PIWIL2: variants seen among roughly 807,000 people sequenced by gnomAD.
PIWIL2 encodes piwi like RNA-mediated gene silencing 2.
A neutral mutation model predicts 116.5 loss-of-function variants in PIWIL2; 81 were observed. The observed-to-expected ratio is 0.70, with a 90% CI of 0.58 to 0.84. The LOEUF is 0.84. PIWIL2 is among the 40% of genes least tolerant of loss of function. The pLI, the probability that PIWIL2 is intolerant of heterozygous loss-of-function variation, is 0.00. For missense variants in PIWIL2, 1,272 were observed against 1,212.3 expected (o/e 1.05, Z -0.73); for synonymous variants, 489 against 429.5 (o/e 1.14, Z -1.71).
At chr8:22,311,380 T>G in intron 16 of PIWIL2, 80 bp downstream of exon 16, 1 of 1,152,524 alleles carries the variant, frequency 8.7e-7, no homozygotes. Flanking sequence ...ATCATGGTTA[T>G]CAGTCTGCTG....
chr8:22,307,748 A>G (rs1215665056), intron 13 of PIWIL2, among the ~76,000 whole-genome samples, 185 bp from the exon 14 acceptor site: 3 of 152,010 alleles, frequency 2.0e-5, no homozygotes, highest in South Asian at 2.1e-4. Flanking sequence ...CATCCTTCCA[A>G]TCAATTTTTA....
intron 1 of PIWIL2, among the ~76,000 whole-genome samples, chr8:22,278,662 T>TG (rs1199370141): frequency 6.6e-6 from 1 of 152,158 alleles, no homozygotes; most frequent in African/African-American, 2.4e-5. Context: ...ACAGGCTGGT[T>TG]GGGGGGCCTG....
At chr8:22,329,372 G>C (rs1209663871) in intron 20 of PIWIL2, among the ~76,000 whole-genome samples, 1 of 152,194 alleles carries the variant, frequency 6.6e-6, no homozygotes, top group African/African-American at 2.4e-5. Flanking sequence ...CATAATGCTG[G>C]CATCCACTCA....
intron 13 of PIWIL2, among the ~76,000 whole-genome samples, chr8:22,307,109 T>A (rs971956641): frequency 6.6e-6 from 1 of 152,240 alleles, no homozygotes; most frequent in Non-Finnish European, 1.5e-5. Flanking sequence ...AGAATGAATA[T>A]GGTTTTCTGT....
At chr8:22,322,328 G>A (rs1831617882) in intron 20 of PIWIL2, among the ~76,000 whole-genome samples, 1 of 151,516 alleles carries the variant, frequency 6.6e-6, no homozygotes, top group Non-Finnish European at 1.5e-5. Context: ...TCGGTTCACT[G>A]CAGCCTCAAC....
intron 19 of PIWIL2, among the ~76,000 whole-genome samples, chr8:22,317,318 G>A (rs1238656549): frequency 6.6e-6 from 1 of 152,042 alleles, no homozygotes; most frequent in Non-Finnish European, 1.5e-5. Flanking sequence ...AGTTGCCAAA[G>A]GTTTGATGTA....
intron 21 of PIWIL2, among the ~76,000 whole-genome samples, chr8:22,353,670 A>T (rs1741241080): frequency 6.6e-6 from 1 of 151,380 alleles, no homozygotes; most frequent in African/African-American, 2.4e-5. Context: ...AAAACAAGAA[A>T]GCTTTTACCT....
chr8:22,336,993 G>A (rs976934967), intron 20 of PIWIL2, among the ~76,000 whole-genome samples: 3 of 152,190 alleles, frequency 2.0e-5, no homozygotes, highest in East Asian at 1.9e-4. Context: ...CAAATTAGAT[G>A]CCCTAAATGG....
intron 7 of PIWIL2, 128 bp downstream of exon 7, chr8:22,287,773 C>T: frequency 4.4e-6 from 3 of 678,858 alleles, no homozygotes; most frequent in Admixed American, 4.1e-5. Flanking sequence ...TCCCAAAGCC[C>T]TGGGACTACA....
chr8:22,298,123 G>A (rs911096585), intron 10 of PIWIL2, among the ~76,000 whole-genome samples: 4 of 152,062 alleles, frequency 2.6e-5, no homozygotes, highest in African/African-American at 4.8e-5. Context: ...TGGGCATGGC[G>A]GCACACATCT....
chr8:22,301,813 G>A (rs1464849103), intron 10 of PIWIL2, among the ~76,000 whole-genome samples: 1 of 151,982 alleles, frequency 6.6e-6, no homozygotes, highest in Non-Finnish European at 1.5e-5. Context: ...TCAGGTAACG[G>A]TCTGAGTTCC....
In PIWIL2 at chr8:22,289,879, G is replaced by T. The variant is rs1288102503; in HGVS notation, c.1019G>T (p.Gly340Val). The T allele has an allele frequency of 6.2e-7, 1 of 1,611,976 alleles. No individual in the cohort carries two copies. Among genetic ancestry groups the T allele is most frequent in the African/African-American group, 1.3e-5 (1 of 74,978 alleles). ...AAACTTTTAGATATGAAGCTTGTGG[G>T]GAGAAACTTTTATGACCCTACAAGT... ...VMKLLDMKLV[G>V]RNFYDPTSAM... is the part of the protein sequence containing the mutation. Residue 340 changes from glycine to valine, a missense_variant, in exon 9 of 23, where the codon GGG (glycine) becomes GTG (valine). Gly to Val is a moderately radical substitution (Grantham distance 109, BLOSUM62 -3). Transcript: ENST00000356766.
intron 20 of PIWIL2, among the ~76,000 whole-genome samples, chr8:22,335,085 C>T (rs1416595144): frequency 6.7e-6 from 1 of 149,448 alleles, no homozygotes; most frequent in Admixed American, 6.7e-5. Context: ...CAATTTTAAT[C>T]CCCAAAAGGA....
At chr8:22,338,474 T>A (rs1832030963) in intron 20 of PIWIL2, among the ~76,000 whole-genome samples, 1 of 152,026 alleles carries the variant, frequency 6.6e-6, no homozygotes, top group Admixed American at 6.6e-5. Context: ...GCGGATCACC[T>A]GAGGTCAAGA....
intron 20 of PIWIL2, among the ~76,000 whole-genome samples, chr8:22,351,453 AT>A (rs1832356200): frequency 1.3e-5 from 1 of 76,576 alleles, no homozygotes; most frequent in Non-Finnish European, 2.4e-5. Context: ...ATATATATAT[AT>A]ATATATATAT....
At chr8:22,346,061 T>C (rs1179183830) in intron 20 of PIWIL2, among the ~76,000 whole-genome samples, 1 of 152,022 alleles carries the variant, frequency 6.6e-6, no homozygotes, top group East Asian at 1.9e-4. Context: ...ATTGTATAGT[T>C]TAAGTGGGTG....
In PIWIL2 at chr8:22,309,970, C is replaced by T. The variant is rs753170447; in HGVS notation, c.1696C>T (p.Arg566Cys). Reference sequence around the variant, plus strand: ...TTTATTTTCTGTTTAGATTGAAGGACGTGTTCTGCCAATGGAAAGAATTAA... The same window carrying T: ...TTTATTTTCTGTTTAGATTGAAGGATGTGTTCTGCCAATGGAAAGAATTAA... Reference protein sequence around the residue: ...LQKDVHKIEGRVLPMERINLK... With the variant: ...LQKDVHKIEGCVLPMERINLK... The change falls in exon 15 of 23, where the codon CGT (arginine) becomes TGT (cysteine). Residue 566 changes from arginine (R) to cysteine (C), a missense_variant. Coordinates refer to ENST00000356766, the MANE Select transcript of PIWIL2 (RefSeq NM_018068.5). The T allele has an allele frequency of 9.4e-6, 15 of 1,588,154 alleles. No individual in the cohort carries two copies. Among genetic ancestry groups the T allele is most frequent in the East Asian group, 2.2e-5 (1 of 44,750 alleles).
At chr8:22,341,742 C>T (rs1239958764) in intron 20 of PIWIL2, among the ~76,000 whole-genome samples, 1 of 152,024 alleles carries the variant, frequency 6.6e-6, no homozygotes, top group Non-Finnish European at 1.5e-5. Context: ...TATAAAGATA[C>T]TCTTTATCAC....
At position 22,284,650 on chromosome 8, in the gene PIWIL2, A is replaced by G. The variant is rs1030931443; in HGVS notation, c.743+378A>G. Among the ~76,000 whole-genome samples, 8 of 48,534 alleles carry G rather than the reference A, an allele frequency of 1.6e-4. No homozygotes were observed. The Admixed American group carries it at 1.9e-3, about 11-fold the overall frequency. The allele number at this position is 48,534 out of a possible 152,430, so 31.8% of individuals were successfully genotyped here. On this transcript the variant is annotated intron_variant, in intron 6 of 22. Coordinates refer to ENST00000356766, the MANE Select transcript of PIWIL2 (RefSeq NM_018068.5). ...CTTAAAGAACCCTCCCCCCTCCCCC[A>G]TCAGTGGTGTGAAATCCATGCCCTA... is the stretch of plus-strand genomic sequence containing the variant.
Sources: allele counts gnomAD v4.1 joint callset (sites outside exome capture counted in the v4.1 genomes callset), GRCh38; gene constraint gnomAD v4.1.1; transcripts MANE v1.5; gene names NCBI Gene and HGNC (gene_info 2026-07-23, HGNC 2026-07-21).